Variants in ADCK5 observed in about 807,000 individuals in gnomAD.
ADCK5 encodes the protein uncharacterized aarF domain-containing protein kinase 5.
A neutral mutation model predicts 64.9 loss-of-function variants in ADCK5; 43 were observed. That is an observed-to-expected ratio of 0.66 (90% CI 0.52 to 0.85). The LOEUF is 0.85. ADCK5 is among the 40% of genes least tolerant of loss of function. The pLI is 0.00. For missense variants in ADCK5, 760 were observed against 810.5 expected, an observed-to-expected ratio of 0.94 and a Z score of 0.76; for synonymous variants, 434 against 342.8, an observed-to-expected ratio of 1.27 and a Z score of -2.94.
intron 3 of ADCK5, among the ~76,000 whole-genome samples, chr8:144,385,832 C>T (rs567964985): frequency 1.3e-5 from 2 of 148,454 alleles, no homozygotes; most frequent in South Asian, 2.2e-4. Context: ...GGCTTGGTGG[C>T]GGTTGCCTGT....
In ADCK5 at chr8:144,391,616, G is replaced by T; in HGVS notation, c.835G>T (p.Glu279Ter). 6.4e-7 allele frequency: 1 copy of T among 1,568,764 alleles called. No individual in the cohort carries two copies. The highest frequency in any genetic ancestry group is 2.3e-5 in the East Asian group (1 of 43,240). ...GACCCTGGCCCAGGAGCTGGACTTC[G>T]AGAATGAGGGCCGCAACGCAGAGCG... ...KGTLAQELDF[E>*]NEGRNAERCA... Residue 279 changes from glutamate to a stop codon, truncating the protein, a stop_gained, in exon 8 of 15, where the codon GAG (glutamate) becomes TAG (stop). Transcript: ENST00000308860. LOFTEE classifies it high-confidence loss of function.
At chr8:144,382,003 TC>T (rs1819681623) in intron 2 of ADCK5, among the ~76,000 whole-genome samples, 45 of 130,700 alleles carry the variant, frequency 3.4e-4, no homozygotes, top group African/African-American at 6.7e-4. Context: ...CCTGCTGCAC[TC>T]AGGATTATGG....
chr8:144,391,357 G>A lies in ADCK5; in HGVS notation c.685-4G>A. ...AGTTCTCACCACACCCTCGCCCAGT[G>A]CAGGTGCAGTACATCGACCTGCGGG... On this transcript the variant is annotated splice_region_variant and splice_polypyrimidine_tract_variant and intron_variant, in intron 6 of 14. Coordinates refer to ENST00000308860, the MANE Select transcript of ADCK5 (RefSeq NM_174922.5). The A allele has an allele frequency of 6.2e-7, 1 of 1,613,130 alleles. No homozygotes were observed. Among genetic ancestry groups the A allele is most frequent in the Non-Finnish European group, 8.5e-7 (1 of 1,180,014 alleles).
At position 144,374,125 on chromosome 8, in the gene ADCK5, C is replaced by G; in HGVS notation, c.12+18C>G. 1 of 1,248,522 alleles carries G rather than the reference C, an allele frequency of 8.0e-7. No individual in the cohort carries two copies. The highest frequency in any genetic ancestry group is 1.0e-6 in the Non-Finnish European group (1 of 988,836). 77.3% of individuals were successfully genotyped at this position (1,248,522 alleles called of 1,614,324 possible). A position where few individuals can be genotyped will look rare whatever the true frequency, so the allele number is the denominator to read the frequency against. On this transcript the variant is annotated intron_variant, in intron 1 of 14. Coordinates refer to ENST00000308860, the MANE Select transcript of ADCK5 (RefSeq NM_174922.5). ...GGCGACCGGTGAGGACTCTCCCGGC[C>G]CGGGGCGCCCGAGATCCTGCACACC...
intron 1 of ADCK5, chr8:144,375,777 G>C (rs4380978): frequency 0.43 from 255,481 of 592,950 alleles, 56,529 homozygotes; most frequent in East Asian, 0.65. Context: ...GGTTCTGACA[G>C]GGGGCACCCG....
At chr8:144,391,307 T>C (rs1564676295) in intron 6 of ADCK5, 33 bp downstream of exon 6, 1 of 1,612,240 alleles carries the variant, frequency 6.2e-7, no homozygotes, top group Admixed American at 1.7e-5. Context: ...AGCAGTGGGC[T>C]GGGGCGGGGC....
At position 144,383,107 on chromosome 8, in the gene ADCK5, G is replaced by A; in HGVS notation, c.143G>A (p.Arg48Lys). 2.5e-6 allele frequency: 4 copies of A among 1,588,702 alleles called. No individual in the cohort carries two copies. The highest frequency in any genetic ancestry group is 3.4e-6 in the Non-Finnish European group (4 of 1,167,740). ...TTCTCCAGCCCCACACCCCTGTGGA[G>A]GAAGGTGCTCTCCACCGCGGTAGTG... is the stretch of plus-strand genomic sequence containing the variant. ...PRFSSPTPLW[R>K]KVLSTAVVGA... is the part of the protein sequence containing the mutation. The change falls in exon 3 of 15, where the codon AGG becomes AAG. Residue 48 changes from arginine (R) to lysine (K), a missense_variant. Transcript: ENST00000308860.
chr8:144,388,904 A>G (rs1439792434), intron 3 of ADCK5, among the ~76,000 whole-genome samples: 8 of 152,188 alleles, frequency 5.3e-5, no homozygotes, highest in Admixed American at 5.2e-4. Flanking sequence ...TGAGCGCCAG[A>G]GCTGCGCTTC....
At chr8:144,385,324 C>T (rs931001704) in intron 3 of ADCK5, among the ~76,000 whole-genome samples, 1 of 151,280 alleles carries the variant, frequency 6.6e-6, no homozygotes, top group Non-Finnish European at 1.5e-5. Flanking sequence ...GCTGGGATTT[C>T]GGGTGTGTGG....
At chr8:144,389,831 CTTT>C (rs1240504555) in intron 3 of ADCK5, among the ~76,000 whole-genome samples, 1 of 136,154 alleles carries the variant, frequency 7.3e-6, no homozygotes, top group Non-Finnish European at 1.6e-5. Context: ...AGCCCAGCCT[CTTT>C]TTTTTTTTTT....
chr8:144,388,593 T>TGC (rs1820043708), intron 3 of ADCK5, among the ~76,000 whole-genome samples: 2 of 151,314 alleles, frequency 1.3e-5, no homozygotes, highest in Non-Finnish European at 2.9e-5. Flanking sequence ...TGAAACCCCA[T>TGC]CTCTACTAAA....
At chr8:144,391,303 G>A (rs1554860456) in intron 6 of ADCK5, 29 bp downstream of exon 6, 1 of 1,612,012 alleles carries the variant, frequency 6.2e-7, no homozygotes, top group East Asian at 2.2e-5. Flanking sequence ...GTTCAGCAGT[G>A]GGCTGGGGCG....
intron 3 of ADCK5, among the ~76,000 whole-genome samples, chr8:144,389,523 G>C (rs1820106332): frequency 6.6e-6 from 1 of 152,312 alleles, no homozygotes; most frequent in Admixed American, 6.5e-5. Flanking sequence ...GACACAGGCT[G>C]CCCATTCTGC....
rs376847947 is a variant in ADCK5 at position 144,391,232 on chromosome 8, G to A, written c.642G>A (p.Val214=). 2.0e-5 allele frequency: 33 copies of A among 1,612,396 alleles called. No individual in the cohort carries two copies. The highest frequency in any genetic ancestry group is 2.8e-5 in the Non-Finnish European group (33 of 1,180,032). ...QPIAAASLAQ[V]HRAKLHDGTS... Reference sequence around the variant, plus strand: ...TTGCTGCCGCCAGCCTGGCACAGGTGCACAGAGCCAAGCTGCACGATGGCA... The same window carrying A: ...TTGCTGCCGCCAGCCTGGCACAGGTACACAGAGCCAAGCTGCACGATGGCA... Residue 214 remains valine (V), a synonymous_variant, in exon 6 of 15, where the codon GTG becomes GTA. Coordinates refer to ENST00000308860, the MANE Select transcript of ADCK5 (RefSeq NM_174922.5).
chr8:144,385,642 T>C (rs1819883711), intron 3 of ADCK5, among the ~76,000 whole-genome samples: 1 of 135,074 alleles, frequency 7.4e-6, no homozygotes, highest in South Asian at 2.5e-4. Context: ...GCCAGACCCG[T>C]CTCAAAAAAT....
Position 144,392,615 on chromosome 8 carries a change from G to C in ADCK5, c.1438G>C (p.Val480Leu). The C allele has an allele frequency of 6.3e-7, 1 of 1,587,774 alleles. No homozygotes were observed. Among genetic ancestry groups the C allele is most frequent in the Non-Finnish European group, 8.5e-7 (1 of 1,171,134 alleles). The change falls in exon 13 of 15, where the codon GTG becomes CTG. Residue 480 changes from valine (V) to leucine (L), a missense_variant. Physicochemically the swap from Val to Leu is conservative, Grantham distance 32 (BLOSUM62 1). This residue lies in a region of ADCK5 where 333 missense variants were observed against 292.0 expected (regional missense o/e 1.14). Coordinates refer to ENST00000308860, the MANE Select transcript of ADCK5 (RefSeq NM_174922.5). ...GGAGCTGCCGCGGCCCATGCTGCTGGTGCTGCGCAACATCAACACCGTGCG... is the reference window on the plus strand; with the variant it reads ...GGAGCTGCCGCGGCCCATGCTGCTGCTGCTGCGCAACATCAACACCGTGCG... ...LRELPRPMLL[V>L]LRNINTVRAI...
In ADCK5 at chr8:144,391,954, T is replaced by G; in HGVS notation, c.1028T>G (p.Leu343Arg). Residue 343 changes from leucine to arginine, a missense_variant, in exon 10 of 15, where the codon CTC becomes CGC. By Grantham distance (102) the Leu-to-Arg change is moderately radical. This residue lies in a region of ADCK5 where 427 missense variants were observed against 518.4 expected (regional missense o/e 0.82). Coordinates refer to ENST00000308860, the MANE Select transcript of ADCK5 (RefSeq NM_174922.5). ...TCCTCTCCCCAGATAGCAGAAAAGCTCATCAAGGCCTTTGCTGAGCAGATA... is the reference window on the plus strand; with the variant it reads ...TCCTCTCCCCAGATAGCAGAAAAGCGCATCAAGGCCTTTGCTGAGCAGATA... The part of the protein sequence containing the change: ...GLAVHDIAEK[L>R]IKAFAEQIFY... The G allele has an allele frequency of 6.2e-7, 1 of 1,612,374 alleles. No homozygotes were observed. Among genetic ancestry groups the G allele is most frequent in the South Asian group, 1.1e-5 (1 of 91,058 alleles).
chr8:144,376,330 G>A lies in ADCK5; in HGVS notation c.12+2223G>A, dbSNP rs782742596. 4.6e-5 allele frequency among the ~76,000 whole-genome samples: 7 copies of A among 152,208 alleles called. No homozygotes were observed. The highest frequency in any genetic ancestry group is 6.5e-5 in the Admixed American group (1 of 15,280). On this transcript the variant is annotated intron_variant, in intron 1 of 14. Transcript: ENST00000308860. The surrounding 1 kb of genome is among the most constrained non-coding windows in gnomAD (Gnocchi z 5.1). ...ACAGTCTAGTGGGAGGACAGATTCCGTAAGTTGACAGTCACGCTGGTGTGT... is the reference window on the plus strand; with the variant it reads ...ACAGTCTAGTGGGAGGACAGATTCCATAAGTTGACAGTCACGCTGGTGTGT...
At chr8:144,377,983 A>G (rs1199581839) in intron 1 of ADCK5, among the ~76,000 whole-genome samples, 1 of 152,120 alleles carries the variant, frequency 6.6e-6, no homozygotes, top group Non-Finnish European at 1.5e-5. Flanking sequence ...AGGGGCAGGG[A>G]TGGGGTGGGT....
Sources: allele counts gnomAD v4.1 joint callset (sites outside exome capture counted in the v4.1 genomes callset), GRCh38; gene constraint gnomAD v4.1.1; regional missense constraint gnomAD v4.1.1; non-coding constraint Gnocchi (gnomAD v3.1); transcripts MANE v1.5; gene names NCBI Gene and HGNC (gene_info 2026-07-23, HGNC 2026-07-21).